Variants in SKAP1 observed in about 807,000 individuals in gnomAD.
SKAP1 encodes src kinase associated phosphoprotein 1.
In SKAP1, 44 loss-of-function variants were observed where a neutral mutation model predicts 58.5. The observed-to-expected ratio is 0.75, with a 90% CI of 0.59 to 0.97. The LOEUF is 0.97. Among genes scored for constraint, SKAP1 ranks in the 50% least tolerant of loss-of-function variants. The pLI is 0.00. For missense variants in SKAP1, 390 were observed against 435.2 expected, an observed-to-expected ratio of 0.90 and a Z score of 0.92; for synonymous variants, 127 against 149.7, an observed-to-expected ratio of 0.85 and a Z score of 1.11.
intron 4 of SKAP1, among the ~76,000 whole-genome samples, chr17:48,233,049 TC>T (rs2065141492): frequency 6.6e-6 from 1 of 152,194 alleles, no homozygotes; most frequent in Admixed American, 6.5e-5. Context: ...TGGACTGTTT[TC>T]GAGAGATGCA....
intron 11 of SKAP1, among the ~76,000 whole-genome samples, chr17:48,147,857 G>A (rs2063850510): frequency 6.6e-6 from 1 of 151,902 alleles, no homozygotes; most frequent in Non-Finnish European, 1.5e-5. Context: ...TTTATTTACT[G>A]TTACATTTCA....
At chr17:48,218,199 C>A (rs1360072598) in intron 4 of SKAP1, among the ~76,000 whole-genome samples, 1 of 152,144 alleles carries the variant, frequency 6.6e-6, no homozygotes, top group Admixed American at 6.6e-5. Context: ...GGATCAGAGA[C>A]CTGGGGCTGA....
chr17:48,362,354 A>G (rs1294000156), intron 3 of SKAP1, among the ~76,000 whole-genome samples: 1 of 152,190 alleles, frequency 6.6e-6, no homozygotes, highest in African/African-American at 2.4e-5. Flanking sequence ...CATCTCTGAC[A>G]CTAACTCTTT....
chr17:48,348,675 C>A (rs923848362), intron 3 of SKAP1, among the ~76,000 whole-genome samples: 2 of 152,134 alleles, frequency 1.3e-5, no homozygotes, highest in Non-Finnish European at 1.5e-5. Context: ...GTTTTGGGAT[C>A]CAATCCAGGG....
chr17:48,200,367 A>T (rs1598421480), intron 4 of SKAP1, among the ~76,000 whole-genome samples: 1 of 151,692 alleles, frequency 6.6e-6, no homozygotes, highest in East Asian at 1.9e-4. Flanking sequence ...AGATTGGGCC[A>T]TTCTTTCTTT....
At chr17:48,309,173 T>A (rs562833768) in intron 4 of SKAP1, among the ~76,000 whole-genome samples, 46 of 152,204 alleles carry the variant, frequency 3.0e-4, no homozygotes, top group African/African-American at 1.1e-3. Flanking sequence ...GATAACACTT[T>A]AAAAAATGCA....
chr17:48,413,671 C>T (rs2144589818), intron 1 of SKAP1, among the ~76,000 whole-genome samples: 1 of 151,530 alleles, frequency 6.6e-6, no homozygotes, highest in South Asian at 2.1e-4. Context: ...AATATATTAC[C>T]TCCTTTATTT....
intron 4 of SKAP1, among the ~76,000 whole-genome samples, chr17:48,271,362 C>CTTTTTTT (rs35447830): frequency 1.0e-3 from 106 of 106,270 alleles, no homozygotes; most frequent in African/African-American, 1.1e-3. Flanking sequence ...TTCTTTGTTT[C>CTTTTTTT]TTTTTTTTTT....
chr17:48,192,858 G>C (rs1438649270), intron 4 of SKAP1, among the ~76,000 whole-genome samples: 1 of 152,166 alleles, frequency 6.6e-6, no homozygotes, highest in African/African-American at 2.4e-5. Flanking sequence ...ACAAGGGATA[G>C]CACCATCACC....
chr17:48,212,243 G>C (rs1446966659), intron 4 of SKAP1, among the ~76,000 whole-genome samples: 2 of 152,066 alleles, frequency 1.3e-5, no homozygotes, highest in African/African-American at 4.8e-5. Flanking sequence ...TGAAGAGTGA[G>C]AATTTGTTCA....
chr17:48,330,750 C>T (rs1394077825), intron 4 of SKAP1, among the ~76,000 whole-genome samples: 1 of 151,806 alleles, frequency 6.6e-6, no homozygotes, highest in Non-Finnish European at 1.5e-5. Flanking sequence ...GTGGGTCCTG[C>T]TAAAATATCT....
At chr17:48,241,447 T>G (rs1439440955) in intron 4 of SKAP1, among the ~76,000 whole-genome samples, 4 of 152,110 alleles carry the variant, frequency 2.6e-5, no homozygotes, top group Non-Finnish European at 1.5e-5. Flanking sequence ...CAAGCTCAAT[T>G]TGGGCTGACA....
chr17:48,433,994 T>G (rs930135193), upstream of SKAP1, among the ~76,000 whole-genome samples: 2 of 152,194 alleles, frequency 1.3e-5, no homozygotes, highest in African/African-American at 4.8e-5. Flanking sequence ...CTGGCACCGC[T>G]CTGCCCTGGC....
intron 4 of SKAP1, among the ~76,000 whole-genome samples, chr17:48,271,857 T>G (rs2065637455): frequency 6.6e-6 from 1 of 152,090 alleles, no homozygotes; most frequent in African/African-American, 2.4e-5. Flanking sequence ...CACTTCTACT[T>G]CTTGTCTGAG....
At chr17:48,180,539 A>C (rs1238941112) in intron 8 of SKAP1, among the ~76,000 whole-genome samples, 2 of 152,162 alleles carry the variant, frequency 1.3e-5, no homozygotes, top group Non-Finnish European at 2.9e-5. Flanking sequence ...TGAGAACATG[A>C]GGCAAAGGGA....
At chr17:48,409,612 G>A (rs78378884) in intron 1 of SKAP1, among the ~76,000 whole-genome samples, 1 of 149,268 alleles carries the variant, frequency 6.7e-6, no homozygotes, top group Non-Finnish European at 1.5e-5. Context: ...AGGTTGCAGT[G>A]AGCCGAGATT....
chr17:48,249,602 AAG>A (rs2065338557), intron 4 of SKAP1, among the ~76,000 whole-genome samples: 1 of 152,020 alleles, frequency 6.6e-6, no homozygotes, highest in Non-Finnish European at 1.5e-5. Flanking sequence ...TGAACCCCGG[AAG>A]TCGAGGCTGC....
chr17:48,293,681 G>T (rs2065926839), intron 4 of SKAP1, among the ~76,000 whole-genome samples: 1 of 152,162 alleles, frequency 6.6e-6, no homozygotes, highest in African/African-American at 2.4e-5. Flanking sequence ...TACTATTCTA[G>T]TGATTCTATG....
Position 48,346,037 on chromosome 17 carries a change from T to G in SKAP1, c.179-31A>C, listed in dbSNP as rs1217238829. 8 of 1,382,204 alleles carry G rather than the reference T, an allele frequency of 5.8e-6. No individual in the cohort carries two copies. In the African/African-American group the frequency reaches 8.6e-5, roughly 15 times the overall value. 85.6% of individuals were successfully genotyped at this position (1,382,204 alleles called of 1,614,324 possible). On this transcript the variant is annotated intron_variant, in intron 3 of 12. Transcript: ENST00000336915. ...GGACAAAAAAGACAGAAAATAAGGT[T>G]AATCTTTGGGCATCCTTATAAAAGG...
Sources: allele counts gnomAD v4.1 joint callset (sites outside exome capture counted in the v4.1 genomes callset), GRCh38; gene constraint gnomAD v4.1.1; transcripts MANE v1.5; gene names NCBI Gene and HGNC (gene_info 2026-07-23, HGNC 2026-07-21).